Variants in GULP1 observed in about 807,000 individuals in gnomAD.
GULP1 encodes the protein GULP PTB domain containing engulfment adaptor 1.
A neutral mutation model predicts 40.9 loss-of-function variants in GULP1; 19 were observed. The observed-to-expected ratio is 0.46, with a 90% CI of 0.32 to 0.68. GULP1 has a LOEUF of 0.68. GULP1 is among the 30% of genes least tolerant of loss of function. The probability of loss-of-function intolerance (pLI) is 0.03; values close to 1 mark genes in which losing one functional copy is unlikely to be tolerated. For missense variants in GULP1, 312 were observed against 362.2 expected (o/e 0.86, Z 1.12); for synonymous variants, 119 against 117.6 (o/e 1.01, Z -0.08).
At chr2:188,380,488 G>A (rs1201943192) in intron 1 of GULP1, among the ~76,000 whole-genome samples, 1 of 152,146 alleles carries the variant, frequency 6.6e-6, no homozygotes, top group Non-Finnish European at 1.5e-5. Flanking sequence ...AATCATGCCA[G>A]ATTTCAGGTG....
chr2:188,304,347 A>G (rs951717531), intron 1 of GULP1, among the ~76,000 whole-genome samples: 1 of 152,204 alleles, frequency 6.6e-6, no homozygotes, highest in Non-Finnish European at 1.5e-5. Context: ...TCTTATACCT[A>G]TGAGTTGACA....
rs1270275589 is a variant in GULP1 at position 188,593,975 on chromosome 2, A to G, written c.879A>G (p.Thr293=). ...GFKMGLTLEG[T]VFCLDPLDSR... Reference sequence around the variant, plus strand: ...AAATGGGACTAACTCTTGAAGGCACAGTATTTTGTCTCGACCCGTTAGACA... The same window carrying G: ...AAATGGGACTAACTCTTGAAGGCACGGTATTTTGTCTCGACCCGTTAGACA... Residue 293 remains threonine (T), a synonymous_variant, in exon 12 of 12, where the codon ACA becomes ACG. Transcript: ENST00000409830. 6.2e-7 allele frequency: 1 copy of G among 1,601,098 alleles called. No individual in the cohort carries two copies. The highest frequency in any genetic ancestry group is 8.6e-7 in the Non-Finnish European group (1 of 1,168,918).
At chr2:188,295,082 A>C (rs1467863915) in intron 1 of GULP1, among the ~76,000 whole-genome samples, 1 of 152,132 alleles carries the variant, frequency 6.6e-6, no homozygotes, top group African/African-American at 2.4e-5. Flanking sequence ...ACATTCATTT[A>C]TTTTTATTTC....
intron 4 of GULP1, among the ~76,000 whole-genome samples, chr2:188,507,944 C>CTGCAATATAG: frequency 6.6e-6 from 1 of 151,822 alleles, no homozygotes; most frequent in South Asian, 2.1e-4. Flanking sequence ...AAGTGATATG[C>CTGCAATATAG]TGCAATATAG....
chr2:188,508,941 T>C (rs58633000), intron 4 of GULP1, among the ~76,000 whole-genome samples: 6,366 of 152,046 alleles, frequency 0.042, 305 homozygotes, highest in African/African-American at 0.11. Flanking sequence ...CTACATTTTA[T>C]AAACTAATAA....
At chr2:188,312,312 C>G (rs1048942599) in intron 1 of GULP1, among the ~76,000 whole-genome samples, 1 of 152,092 alleles carries the variant, frequency 6.6e-6, no homozygotes, top group Non-Finnish European at 1.5e-5. Flanking sequence ...CCCCTCATCC[C>G]CCATCCACCA....
intron 11 of GULP1, chr2:188,590,614 A>G (rs1703363557): frequency 6.6e-6 from 1 of 152,226 alleles, no homozygotes; most frequent in South Asian, 2.1e-4. Flanking sequence ...GAAATGTTAG[A>G]CCATATTTCA....
intron 2 of GULP1, among the ~76,000 whole-genome samples, chr2:188,473,922 A>G (rs1463167621): frequency 6.6e-6 from 1 of 152,128 alleles, no homozygotes; most frequent in East Asian, 1.9e-4. Flanking sequence ...GTCTCACCCA[A>G]GTTTCTTGAT....
chr2:188,472,155 T>C (rs1180441353), intron 2 of GULP1, among the ~76,000 whole-genome samples: 1 of 152,146 alleles, frequency 6.6e-6, no homozygotes, highest in Admixed American at 6.5e-5. Context: ...GGAACTCCAT[T>C]GTGTGTTATT....
At chr2:188,581,664 G>C (rs1484948113) in intron 9 of GULP1, among the ~76,000 whole-genome samples, 1 of 152,042 alleles carries the variant, frequency 6.6e-6, no homozygotes, top group Non-Finnish European at 1.5e-5. Flanking sequence ...TGAGATCCTT[G>C]TCAATCACCT....
intron 4 of GULP1, among the ~76,000 whole-genome samples, chr2:188,511,214 C>T (rs1381503202): frequency 1.3e-5 from 2 of 152,114 alleles, no homozygotes; most frequent in African/African-American, 2.4e-5. Flanking sequence ...TTTTAAACCG[C>T]TCTCACAATA....
chr2:188,455,993 T>A (rs190710341), intron 2 of GULP1, among the ~76,000 whole-genome samples: 1,694 of 152,220 alleles, frequency 0.011, 14 homozygotes, highest in Non-Finnish European at 0.018. Flanking sequence ...GCCCTAGAGA[T>A]TTGTGGAACT....
At chr2:188,445,967 A>G (rs1381505107) in intron 2 of GULP1, among the ~76,000 whole-genome samples, 1 of 152,126 alleles carries the variant, frequency 6.6e-6, no homozygotes, top group East Asian at 1.9e-4. Context: ...GTTTATGATC[A>G]CAGATTTACA....
intron 2 of GULP1, among the ~76,000 whole-genome samples, chr2:188,430,465 A>G (rs534210211): frequency 1.3e-4 from 20 of 152,340 alleles, no homozygotes; most frequent in Admixed American, 6.5e-4. Flanking sequence ...AATCAGACAT[A>G]GGAAGACCAG....
At chr2:188,488,109 T>C (rs1170169682) in intron 4 of GULP1, among the ~76,000 whole-genome samples, 1 of 152,040 alleles carries the variant, frequency 6.6e-6, no homozygotes, top group East Asian at 1.9e-4. Context: ...TTCAAACTTT[T>C]AACTAAACCT....
chr2:188,525,847 T>G (rs781234314), intron 5 of GULP1, among the ~76,000 whole-genome samples: 2 of 152,228 alleles, frequency 1.3e-5, no homozygotes, highest in Non-Finnish European at 2.9e-5. Flanking sequence ...CTATTTTGTC[T>G]TCACAATCAG....
intron 11 of GULP1, chr2:188,590,350 A>T (rs1245163713): frequency 6.6e-6 from 1 of 152,170 alleles, no homozygotes; most frequent in Non-Finnish European, 1.5e-5. Context: ...CTTCATCTAA[A>T]GTCTATGATG....
At chr2:188,450,787 T>C (rs1421638397) in intron 2 of GULP1, among the ~76,000 whole-genome samples, 7 of 152,176 alleles carry the variant, frequency 4.6e-5, no homozygotes, top group Non-Finnish European at 8.8e-5. Context: ...TCTTCTATAG[T>C]TCAGTTTGGG....
intron 4 of GULP1, among the ~76,000 whole-genome samples, chr2:188,520,343 G>A (rs961942011): frequency 7.9e-5 from 12 of 151,914 alleles, no homozygotes; most frequent in Middle Eastern, 6.8e-3. Context: ...CAAGACCACC[G>A]TGGCCAACAT....
Sources: allele counts gnomAD v4.1 joint callset (sites outside exome capture counted in the v4.1 genomes callset), GRCh38; gene constraint gnomAD v4.1.1; transcripts MANE v1.5; gene names NCBI Gene and HGNC (gene_info 2026-07-23, HGNC 2026-07-21).